The following LNPEP variants were observed in gnomAD, a reference collection of about 807,000 sequenced individuals.
The protein encoded by LNPEP is leucyl and cystinyl aminopeptidase.
LNPEP carries 64 observed loss-of-function variants against 120.6 expected under a neutral mutation model. The ratio of observed to expected loss-of-function variants is 0.53; its 90% CI spans 0.43 to 0.65. The LOEUF (loss-of-function observed/expected upper bound fraction) is 0.65. LNPEP is among the 30% of genes least tolerant of loss of function. LNPEP has a pLI of 0.00. For missense variants in LNPEP, 1,057 were observed against 1,200.0 expected (o/e 0.88, Z 1.76); for synonymous variants, 435 against 425.4 (o/e 1.02, Z -0.28).
chr5:96,980,007 T>G lies in LNPEP; in HGVS notation c.860+29T>G, dbSNP rs781515962. The G allele has an allele frequency of 1.9e-6, 3 of 1,545,286 alleles. No homozygotes were observed. In the South Asian group the frequency reaches 3.8e-5, roughly 19 times the overall value. ...GGTAGCCCTCTTAAATGATTCTGGT[T>G]TTACGCTCTGATAACTTCTGCAATA... On this transcript the variant is annotated intron_variant, in intron 2 of 17. Transcript: ENST00000231368.
intron 1 of LNPEP, among the ~76,000 whole-genome samples, chr5:96,949,916 C>T (rs889080176): frequency 6.6e-6 from 1 of 152,172 alleles, no homozygotes; most frequent in Non-Finnish European, 1.5e-5. Flanking sequence ...TCCTTCCGTC[C>T]TCCTTCCCTC....
chr5:97,001,424 G>A (rs1225557628), intron 8 of LNPEP, among the ~76,000 whole-genome samples: 2 of 152,142 alleles, frequency 1.3e-5, no homozygotes, highest in Admixed American at 1.3e-4. Context: ...AAAGAAGGGG[G>A]AAGAAACTTC....
At chr5:96,997,387 A>G (rs529342622) in intron 7 of LNPEP, among the ~76,000 whole-genome samples, 4 of 152,224 alleles carry the variant, frequency 2.6e-5, no homozygotes, top group Admixed American at 1.3e-4. Context: ...TAGAATACTA[A>G]GAAAGATATT....
intron 2 of LNPEP, among the ~76,000 whole-genome samples, chr5:96,982,958 G>A (rs566050807): frequency 1.3e-5 from 2 of 151,706 alleles, no homozygotes; most frequent in East Asian, 4.1e-4. Context: ...TAATCTTTAG[G>A]ACCATATGGT....
Position 97,024,666 on chromosome 5 carries a change from G to A in LNPEP, c.2707G>A (p.Val903Met). ...AGAAGCACTTGCCAGCTCAGAGGAT[G>A]TGCGGAAGCTTTACTGGTATGAAAT... Reference protein sequence around the residue: ...ILEALASSEDVRKLYWLMKSS... With the variant: ...ILEALASSEDMRKLYWLMKSS... Residue 903 changes from valine to methionine, a missense_variant, in exon 15 of 18, where the codon GTG becomes ATG. Val to Met is a conservative substitution (Grantham distance 21, BLOSUM62 1). Transcript: ENST00000231368. 1.2e-6 allele frequency: 2 copies of A among 1,613,744 alleles called. No homozygotes were observed. Among genetic ancestry groups the A allele is most frequent in the Non-Finnish European group, 8.5e-7 (1 of 1,179,846 alleles).
chr5:97,012,854 T>C (rs1232378907), intron 11 of LNPEP, among the ~76,000 whole-genome samples: 2 of 152,196 alleles, frequency 1.3e-5, no homozygotes, highest in African/African-American at 4.8e-5. Context: ...TCCTTTCCTA[T>C]TGTTTTAACC....
intron 11 of LNPEP, among the ~76,000 whole-genome samples, chr5:97,007,467 C>G (rs963836156): frequency 6.6e-6 from 1 of 152,036 alleles, no homozygotes. Context: ...TATGAAGCAC[C>G]TAGAACAATG....
intron 1 of LNPEP, among the ~76,000 whole-genome samples, chr5:96,968,583 G>A (rs998885543): frequency 2.6e-5 from 4 of 152,002 alleles, no homozygotes; most frequent in Non-Finnish European, 2.9e-5. Context: ...ACTATGTATG[G>A]CGTACTCTTT....
At chr5:97,023,258 TTTTC>T (rs1791256798) in intron 14 of LNPEP, among the ~76,000 whole-genome samples, 3 of 152,228 alleles carry the variant, frequency 2.0e-5, no homozygotes, top group Middle Eastern at 3.4e-3. Flanking sequence ...TCTTTCTTTC[TTTTC>T]TTTTTTTTGG....
At chr5:97,017,120 T>C (rs1184646599) in intron 13 of LNPEP, among the ~76,000 whole-genome samples, 2 of 152,198 alleles carry the variant, frequency 1.3e-5, no homozygotes, top group East Asian at 3.8e-4. Context: ...CTAGGTGCTC[T>C]AGATCTTTTC....
rs747444209 is a variant in LNPEP, at chr5:96,979,089, C to CT, written c.20-39dup. On this transcript the variant is annotated intron_variant, in intron 1 of 17. Transcript: ENST00000231368. ...GAAGACATGTTATTAATATTATGAG[C>CT]TTTTTTTTTTCTAACTCTGTGCCTT... is the stretch of plus-strand genomic sequence containing the variant. The CT allele has an allele frequency of 2.5e-3, 3,387 of 1,364,860 alleles. 1 individual carries two copies. Among genetic ancestry groups the CT allele is most frequent in the East Asian group, 9.8e-3 (381 of 39,028 alleles). 84.5% of individuals were successfully genotyped at this position (1,364,860 alleles called of 1,614,324 possible). A position where few individuals can be genotyped will look rare whatever the true frequency, so the allele number is the denominator to read the frequency against.
chr5:97,021,931 T>G (rs574692890), intron 13 of LNPEP, among the ~76,000 whole-genome samples: 242 of 126,474 alleles, frequency 1.9e-3, no homozygotes, highest in Middle Eastern at 0.013. Flanking sequence ...TTGTTTTTTT[T>G]TTTTTTTTTT....
intron 1 of LNPEP, among the ~76,000 whole-genome samples, chr5:96,950,896 G>C (rs904876509): frequency 6.6e-6 from 1 of 152,126 alleles, no homozygotes; most frequent in Non-Finnish European, 1.5e-5. Context: ...ACATAGTATA[G>C]GCAGTGTAGT....
At position 97,003,399 on chromosome 5, in the gene LNPEP, C is replaced by A. The variant is rs201640154; in HGVS notation, c.1654-16C>A. ...CTATTATTTTCTTTCTTTTTCCTCA[C>A]TTTTTTTTTTAATAGGGATCTTCTC... On this transcript the variant is annotated splice_polypyrimidine_tract_variant and intron_variant, in intron 8 of 17. Transcript: ENST00000231368. The A allele has an allele frequency of 2.8e-6, 1 of 362,328 alleles. No individual in the cohort carries two copies. The highest frequency in any genetic ancestry group is 7.2e-5 in the African/African-American group (1 of 13,884). 22.4% of individuals were successfully genotyped at this position (362,328 alleles called of 1,614,324 possible).
chr5:96,997,313 G>A (rs1790536437), intron 7 of LNPEP, among the ~76,000 whole-genome samples: 1 of 152,010 alleles, frequency 6.6e-6, no homozygotes, highest in Admixed American at 6.5e-5. Flanking sequence ...TTTAGATAGG[G>A]CTTGTTGAAA....
In LNPEP at chr5:97,023,204, G is replaced by A. The variant is rs530270010; in HGVS notation, c.2561+720G>A. On this transcript the variant is annotated intron_variant, in intron 14 of 17. Coordinates refer to ENST00000231368, the MANE Select transcript of LNPEP (RefSeq NM_005575.3). ...ACTGGCTCATTTCATTTACCATAACGTCTTCAAGGTTCTTCCATGTTGTAG... is the reference window on the plus strand; with the variant it reads ...ACTGGCTCATTTCATTTACCATAACATCTTCAAGGTTCTTCCATGTTGTAG... Among the ~76,000 whole-genome samples the A allele has an allele frequency of 3.3e-5, 5 of 151,980 alleles. No homozygotes were observed. In the East Asian group the frequency reaches 7.8e-4, roughly 24 times the overall value.
intron 1 of LNPEP, among the ~76,000 whole-genome samples, chr5:96,964,483 T>C (rs959683910): frequency 1.8e-4 from 27 of 152,230 alleles, no homozygotes; most frequent in Non-Finnish European, 3.4e-4. Flanking sequence ...TTTTCTCTCT[T>C]TATATTTTGA....
At chr5:97,007,804 T>C (rs1248556269) in intron 11 of LNPEP, among the ~76,000 whole-genome samples, 1 of 152,214 alleles carries the variant, frequency 6.6e-6, no homozygotes, top group Non-Finnish European at 1.5e-5. Context: ...GTTTTTCCAT[T>C]ATATGAAATT....
intron 1 of LNPEP, among the ~76,000 whole-genome samples, chr5:96,948,866 A>G (rs1242248562): frequency 1.3e-5 from 2 of 152,172 alleles, no homozygotes; most frequent in East Asian, 3.8e-4. Flanking sequence ...TGTATAGTAT[A>G]GTATAATAGT....
Sources: allele counts gnomAD v4.1 joint callset (sites outside exome capture counted in the v4.1 genomes callset), GRCh38; gene constraint gnomAD v4.1.1; transcripts MANE v1.5; gene names NCBI Gene and HGNC (gene_info 2026-07-23, HGNC 2026-07-21).